The following KANK4 variants were observed in gnomAD, a reference collection of about 807,000 sequenced individuals.
KANK4 encodes the protein KN motif and ankyrin repeat domain-containing protein 4.
A neutral mutation model predicts 80.8 loss-of-function variants in KANK4; 50 were observed. The observed-to-expected ratio is 0.62, with a 90% CI of 0.49 to 0.78. The LOEUF is 0.78. Among genes scored for constraint, KANK4 ranks in the 30% least tolerant of loss-of-function variants. The pLI is 0.00. For synonymous variants in KANK4, 465 were observed against 506.9 expected, an observed-to-expected ratio of 0.92 and a Z score of 1.11; for missense variants, 1,196 against 1,240.1, an observed-to-expected ratio of 0.96 and a Z score of 0.53.
At chr1:62,303,977 G>A (rs151051827) in intron 1 of KANK4, among the ~76,000 whole-genome samples, 312 of 151,842 alleles carry the variant, frequency 2.1e-3, no homozygotes, top group African/African-American at 7.3e-3. Context: ...AGGTTCAAGC[G>A]ATTCTCCAAC....
intron 1 of KANK4, among the ~76,000 whole-genome samples, chr1:62,304,620 C>G (rs1644436717): frequency 6.6e-6 from 1 of 152,108 alleles, no homozygotes; most frequent in Non-Finnish European, 1.5e-5. Flanking sequence ...TTCGCTTGCT[C>G]CCACCAGTCT....
chr1:62,257,107 A>G (rs555870288), intron 7 of KANK4, among the ~76,000 whole-genome samples: 2 of 152,140 alleles, frequency 1.3e-5, no homozygotes, highest in African/African-American at 4.8e-5. Context: ...ATTATTTTTG[A>G]GATGGAGTCT....
chr1:62,314,104 C>G (rs1228956345), intron 1 of KANK4, among the ~76,000 whole-genome samples: 1 of 152,142 alleles, frequency 6.6e-6, no homozygotes, highest in Non-Finnish European at 1.5e-5. Context: ...ACTTCTGCCT[C>G]CTGGGTTCAA....
chr1:62,273,235 C>T lies in KANK4; in HGVS notation c.1869G>A (p.Glu623=), dbSNP rs1672209060. The change falls in exon 3 of 10, where the codon GAG becomes GAA. Residue 623 remains glutamate, a synonymous_variant. Coordinates refer to ENST00000371153, the MANE Select transcript of KANK4 (RefSeq NM_181712.5). ...AYSAQAHPPK[E]PPASSSSPPV... ...GCGGGGAGGAGGAGGAGGCCGGTGG[C>T]TCCTTGGGTGGGTGAGCCTGGGCCG... 3 of 1,522,940 alleles carry T rather than the reference C, an allele frequency of 2.0e-6. No homozygotes were observed. Among genetic ancestry groups the T allele is most frequent in the Admixed American group, 4.4e-5 (2 of 45,858 alleles). 94.3% of individuals were successfully genotyped at this position (1,522,940 alleles called of 1,614,324 possible).
At chr1:62,309,953 T>C (rs934562161) in intron 1 of KANK4, among the ~76,000 whole-genome samples, 47 of 152,210 alleles carry the variant, frequency 3.1e-4, no homozygotes, top group African/African-American at 9.4e-4. Context: ...CCCACAGGCC[T>C]GGCTGACACA....
rs1238227974 is a variant in KANK4, at chr1:62,319,380, T to G, written c.-345A>C. The G allele has an allele frequency of 6.6e-6, 1 of 151,772 alleles. No homozygotes were observed. Among genetic ancestry groups the G allele is most frequent in the African/African-American group, 2.4e-5 (1 of 41,334 alleles). 9.4% of individuals were successfully genotyped at this position (151,772 alleles called of 1,614,324 possible). A position where few individuals can be genotyped will look rare whatever the true frequency, so the allele number is the denominator to read the frequency against. On this transcript the variant is annotated 5_prime_UTR_variant, in exon 1 of 10. Transcript: ENST00000371153. ...CTGGCCAGGCGCCGCCAGCCGCGGC[T>G]TCGCCCCGCGTCGCCAGCTGCCAAC...
Position 62,247,567 on chromosome 1 carries a change from A to G in KANK4, c.2788T>C (p.Ser930Pro), listed in dbSNP as rs1363642531. 2 of 1,614,056 alleles carry G rather than the reference A, an allele frequency of 1.2e-6. No individual in the cohort carries two copies. Among genetic ancestry groups the G allele is most frequent in the East Asian group, 4.5e-5 (2 of 44,832 alleles). The change falls in exon 9 of 10, where the codon TCC (serine) becomes CCC (proline). Residue 930 changes from serine to proline, a missense_variant. By Grantham distance (74) the Ser-to-Pro change is moderately conservative (BLOSUM62 -1). This residue lies in a region of KANK4 where 1,154 missense variants were observed against 1,179.6 expected (regional missense o/e 0.98). Coordinates refer to ENST00000371153, the MANE Select transcript of KANK4 (RefSeq NM_181712.5). ...ADVNLQDHDG[S>P]SALMVACHHG... ...TGACAGGCCACCATGAGGGCCGAGG[A>G]TCCATCGTGGTCCTGCAGATTGACA... is the stretch of plus-strand genomic sequence containing the variant.
chr1:62,308,266 C>T (rs758436776), intron 1 of KANK4, among the ~76,000 whole-genome samples: 2 of 152,170 alleles, frequency 1.3e-5, no homozygotes, highest in African/African-American at 2.4e-5. Context: ...ACAGGAAAGC[C>T]GGCTGGAGAG....
At chr1:62,245,661 A>C (rs762211208) in intron 9 of KANK4, among the ~76,000 whole-genome samples, 4 of 152,160 alleles carry the variant, frequency 2.6e-5, no homozygotes, top group Non-Finnish European at 5.9e-5. Flanking sequence ...CAGTTACATA[A>C]CATCTCCAGG....
At chr1:62,261,152 C>CTTTTT (rs11322195) in intron 7 of KANK4, among the ~76,000 whole-genome samples, 3 of 68,382 alleles carry the variant, frequency 4.4e-5, no homozygotes, top group African/African-American at 1.0e-4. Flanking sequence ...CTCCCAATGG[C>CTTTTT]TTTTTTTTTT....
intron 8 of KANK4, among the ~76,000 whole-genome samples, chr1:62,248,145 T>C (rs1442961964): frequency 6.6e-6 from 1 of 152,162 alleles, no homozygotes; most frequent in Non-Finnish European, 1.5e-5. Flanking sequence ...TCAATGCCTC[T>C]GAAATTTTCA....
chr1:62,275,671 C>G (rs547932303), intron 2 of KANK4, among the ~76,000 whole-genome samples: 20 of 152,304 alleles, frequency 1.3e-4, no homozygotes, highest in African/African-American at 4.6e-4. Context: ...CAGGTATGCA[C>G]AGATCAGAGA....
intron 7 of KANK4, among the ~76,000 whole-genome samples, chr1:62,255,095 CA>C (rs1159231228): frequency 6.6e-6 from 1 of 151,920 alleles, no homozygotes; most frequent in African/African-American, 2.4e-5. Flanking sequence ...CCATGTTGGT[CA>C]GGCTGGTCTC....
intron 1 of KANK4, among the ~76,000 whole-genome samples, chr1:62,305,541 C>G (rs1644444577): frequency 6.6e-6 from 1 of 152,008 alleles, no homozygotes; most frequent in Non-Finnish European, 1.5e-5. Flanking sequence ...GAACTCCTGA[C>G]CTAAGGTGAT....
In KANK4 at chr1:62,274,315, G is replaced by T. The variant is rs1049422795; in HGVS notation, c.789C>A (p.Asp263Glu). 6 of 1,614,156 alleles carry T rather than the reference G, an allele frequency of 3.7e-6. No individual in the cohort carries two copies. The highest frequency in any genetic ancestry group is 5.1e-6 in the Non-Finnish European group (6 of 1,180,020). The change falls in exon 3 of 10, where the codon GAC becomes GAA. Residue 263 changes from aspartate to glutamate, a missense_variant. Transcript: ENST00000371153. ...SFQNVLVVLE[D>E]KEDEHNAREA... ...CTCTGGCATTGTGTTCATCTTCCTT[G>T]TCCTCTAGAACTACAAGCACATTCT... is the stretch of plus-strand genomic sequence containing the variant.
intron 2 of KANK4, among the ~76,000 whole-genome samples, chr1:62,280,555 T>C (rs549346585): frequency 2.0e-5 from 3 of 152,174 alleles, no homozygotes; most frequent in African/African-American, 7.2e-5. Context: ...TGAAGGGCCA[T>C]GTGATTCAAG....
At chr1:62,269,176 G>A (rs956092041) in intron 4 of KANK4, among the ~76,000 whole-genome samples, 2 of 152,372 alleles carry the variant, frequency 1.3e-5, no homozygotes, top group South Asian at 2.1e-4. Flanking sequence ...TGGTAGTGAC[G>A]CTTATGCTCA....
chr1:62,256,981 T>G (rs531388502), intron 7 of KANK4, among the ~76,000 whole-genome samples: 3 of 152,318 alleles, frequency 2.0e-5, no homozygotes, highest in Admixed American at 2.0e-4. Flanking sequence ...ATCAGTTCTC[T>G]TTTATCTCTT....
intron 9 of KANK4, among the ~76,000 whole-genome samples, chr1:62,243,637 A>G (rs1292450816): frequency 6.6e-6 from 1 of 151,994 alleles, no homozygotes; most frequent in African/African-American, 2.4e-5. Context: ...CTGGGCCTGG[A>G]TGGATAATTG....
Sources: allele counts gnomAD v4.1 joint callset (sites outside exome capture counted in the v4.1 genomes callset), GRCh38; gene constraint gnomAD v4.1.1; regional missense constraint gnomAD v4.1.1; transcripts MANE v1.5; gene names NCBI Gene and HGNC (gene_info 2026-07-23, HGNC 2026-07-21).